Variants in ESRRG observed in about 807,000 individuals in gnomAD.
The protein encoded by ESRRG is estrogen-related receptor gamma.
Under a neutral mutation model 44.0 loss-of-function variants are expected in ESRRG, and 13 were observed. The ratio of observed to expected loss-of-function variants is 0.30; its 90% confidence interval spans 0.19 to 0.47. ESRRG has a LOEUF of 0.47. Ranked by LOEUF, ESRRG falls within the 20% of genes least tolerant of loss-of-function variation. The pLI is 1.00. For missense variants in ESRRG, 395 were observed against 580.6 expected (o/e 0.68, Z 3.29); for synonymous variants, 215 against 214.6 (o/e 1.00, Z -0.02).
intron 1 of ESRRG, among the ~76,000 whole-genome samples, chr1:216,971,157 G>T (rs1173533220): frequency 6.6e-6 from 1 of 151,956 alleles, no homozygotes; most frequent in African/African-American, 2.4e-5. Flanking sequence ...AGAAAATACT[G>T]TTTGAGAAAA....
At chr1:217,052,535 A>C (rs1176594388) in intron 1 of ESRRG, among the ~76,000 whole-genome samples, 1 of 152,218 alleles carries the variant, frequency 6.6e-6, no homozygotes, top group African/African-American at 2.4e-5. Flanking sequence ...ATCTTTCTAA[A>C]AGGATCTAAG....
chr1:216,565,184 A>G (rs2059469371), intron 4 of ESRRG, among the ~76,000 whole-genome samples: 1 of 152,326 alleles, frequency 6.6e-6, no homozygotes, highest in South Asian at 2.1e-4. Flanking sequence ...TAAACACTAG[A>G]GACAAATGGA....
At chr1:216,645,756 C>T (rs2067416421) in intron 3 of ESRRG, among the ~76,000 whole-genome samples, 1 of 151,276 alleles carries the variant, frequency 6.6e-6, no homozygotes, top group African/African-American at 2.4e-5. Flanking sequence ...CCTGTAGTCC[C>T]AGCTACTCAG....
Position 216,539,356 on chromosome 1 carries a change from T to C in ESRRG, c.863-19935A>G, listed in dbSNP as rs948569157. ...ATGTCCCTGACATCACTTGAAAATA[T>C]ACAATTTTCGTTTGGTTGCTTAGTA... On this transcript the variant is annotated intron_variant, in intron 5 of 6. Coordinates refer to ENST00000408911, the MANE Select transcript of ESRRG (RefSeq NM_001438.4). Among the ~76,000 whole-genome samples the C allele has an allele frequency of 2.6e-5, 4 of 152,070 alleles. No individual in the cohort carries two copies. In the East Asian group the frequency reaches 5.8e-4, roughly 22 times the overall value.
chr1:216,891,437 C>T (rs2057771858), intron 2 of ESRRG, among the ~76,000 whole-genome samples: 1 of 152,250 alleles, frequency 6.6e-6, no homozygotes, highest in South Asian at 2.1e-4. Flanking sequence ...TGGGGACGTG[C>T]ATATGCACAC....
At chr1:216,906,427 C>T (rs1038994438) in intron 2 of ESRRG, among the ~76,000 whole-genome samples, 1 of 152,266 alleles carries the variant, frequency 6.6e-6, no homozygotes, top group Admixed American at 6.5e-5. Flanking sequence ...AATCCTCCAG[C>T]ATCTACCGGC....
At position 217,088,398 on chromosome 1, in the gene ESRRG, CTTTTTTTTT is replaced by C. The variant is rs71585811; in HGVS notation, c.-106+1100_-106+1108del. 1.2e-3 allele frequency among the ~76,000 whole-genome samples: 70 copies of C among 59,734 alleles called. 1 individual carries two copies. In the East Asian group the frequency reaches 0.032, roughly 27 times the overall value. The allele number at this position is 59,734 out of a possible 152,430, so 39.2% of individuals were successfully genotyped here. ...TGCTGAGAATTTCTTTTTTTCCTGTCTTTTTTTTTTTTTTTTTTTTTTTTTTTTGAGAGA... is the reference window on the plus strand; with the variant it reads ...TGCTGAGAATTTCTTTTTTTCCTGTCTTTTTTTTTTTTTTTTTTTGAGAGA... On this transcript the variant is annotated intron_variant, in intron 1 of 7. Coordinates refer to the ESRRG transcript ENST00000359162.
intron 2 of ESRRG, among the ~76,000 whole-genome samples, chr1:216,834,481 A>T (rs1253355667): frequency 6.6e-6 from 1 of 152,206 alleles, no homozygotes; most frequent in Non-Finnish European, 1.5e-5. Context: ...AAGAAAAGTC[A>T]TTTATTTTTG....
At chr1:216,992,291 T>A (rs1408653086) in intron 1 of ESRRG, among the ~76,000 whole-genome samples, 2 of 152,244 alleles carry the variant, frequency 1.3e-5, no homozygotes, top group Non-Finnish European at 1.5e-5. Context: ...GCCTCTTACA[T>A]ATTTTATAAA....
intron 1 of ESRRG, among the ~76,000 whole-genome samples, chr1:217,065,262 T>C (rs1289808526): frequency 6.6e-6 from 1 of 152,240 alleles, no homozygotes; most frequent in Non-Finnish European, 1.5e-5. Context: ...GTAAAATGTC[T>C]AGCTATGACA....
In ESRRG at chr1:216,917,078, A is replaced by G. The variant is rs934025394; in HGVS notation, c.-14+22504T>C. On this transcript the variant is annotated intron_variant, in intron 2 of 7. Coordinates refer to the ESRRG transcript ENST00000359162. ...TGAACCTCTCTCTCTCCTCCCCTAGAATCTCAGGGTCTCTCCCTCTTCCTG... is the reference window on the plus strand; with the variant it reads ...TGAACCTCTCTCTCTCCTCCCCTAGGATCTCAGGGTCTCTCCCTCTTCCTG... Among the ~76,000 whole-genome samples, 38 of 150,460 alleles carry G rather than the reference A, an allele frequency of 2.5e-4. No homozygotes were observed. The Admixed American group carries it at 2.5e-3, about 10-fold the overall frequency.
At chr1:216,605,266 A>G (rs1209079677) in intron 3 of ESRRG, among the ~76,000 whole-genome samples, 4 of 152,198 alleles carry the variant, frequency 2.6e-5, no homozygotes, top group Admixed American at 2.0e-4. Flanking sequence ...TCTGTTTGGG[A>G]AAGAGGAAAT....
At position 216,756,102 on chromosome 1, in the gene ESRRG, T is replaced by C. The variant is rs1233700119; in HGVS notation, c.-13-78611A>G. Among the ~76,000 whole-genome samples the C allele has an allele frequency of 2.0e-5, 3 of 152,170 alleles. No individual in the cohort carries two copies. In the East Asian group the frequency reaches 5.8e-4, roughly 29 times the overall value. On this transcript the variant is annotated intron_variant, in intron 2 of 7. Coordinates refer to the ESRRG transcript ENST00000359162. The stretch of plus-strand genomic sequence containing the variant: ...TCTTAAGGAAGCCTGTGTACTTTAA[T>C]TTTCTCATCTGAAAAATGTAGATAG...
rs137949363 is a variant in ESRRG at position 216,722,430 on chromosome 1, T to G, written c.56+814A>C. Reference sequence around the variant, plus strand: ...ACTCACTCCCCCCCCTTTAGTAATCTAAATATATATTTCCATGTGCATAAA... The same window carrying G: ...ACTCACTCCCCCCCCTTTAGTAATCGAAATATATATTTCCATGTGCATAAA... On this transcript the variant is annotated intron_variant, in intron 1 of 6. Transcript: ENST00000408911. Among the ~76,000 whole-genome samples the G allele has an allele frequency of 5.2e-3, 694 of 134,596 alleles. 5 individuals carry two copies. Among genetic ancestry groups the G allele is most frequent in the African/African-American group, 0.018 (662 of 36,742 alleles). 88.3% of individuals were successfully genotyped at this position (134,596 alleles called of 152,430 possible).
chr1:217,053,903 C>T (rs1220491991), intron 1 of ESRRG, among the ~76,000 whole-genome samples: 1 of 151,988 alleles, frequency 6.6e-6, no homozygotes, highest in African/African-American at 2.4e-5. Flanking sequence ...CACAAAGGCT[C>T]TTGTGTATGG....
chr1:216,548,253 A>G (rs1252065983), intron 5 of ESRRG, among the ~76,000 whole-genome samples: 4 of 152,018 alleles, frequency 2.6e-5, no homozygotes, highest in Non-Finnish European at 5.9e-5. Flanking sequence ...TCAAACGGGT[A>G]CACATGTGAC....
At chr1:216,596,923 A>C (rs1485265403) in intron 3 of ESRRG, among the ~76,000 whole-genome samples, 3 of 152,116 alleles carry the variant, frequency 2.0e-5, no homozygotes, top group African/African-American at 7.2e-5. Flanking sequence ...AATTAAAAAT[A>C]TATATTGGGT....
chr1:216,823,663 C>G (rs1023109568), intron 2 of ESRRG, among the ~76,000 whole-genome samples: 1 of 152,152 alleles, frequency 6.6e-6, no homozygotes, highest in Admixed American at 6.5e-5. Flanking sequence ...TAGCTTGTCT[C>G]AACTTTCAGG....
chr1:216,517,020 T>C (rs2044539113), intron 6 of ESRRG, among the ~76,000 whole-genome samples: 1 of 151,998 alleles, frequency 6.6e-6, no homozygotes, highest in Admixed American at 6.6e-5. Context: ...GTCCTTAGAG[T>C]TCTTAATCAG....
Sources: gnomAD v4.1 joint callset for allele counts (sites outside exome capture counted in the v4.1 genomes callset) on GRCh38, gnomAD v4.1.1 for gene constraint, MANE v1.5 for transcripts, NCBI Gene and HGNC (gene_info 2026-07-23, HGNC 2026-07-21) for gene names.